The following CHEK2 variants were observed in gnomAD, a reference collection of about 807,000 sequenced individuals.
The protein encoded by CHEK2 is serine/threonine-protein kinase Chk2.
A neutral mutation model predicts 69.1 loss-of-function variants in CHEK2; 71 were observed. That is an observed-to-expected ratio of 1.03 (90% CI 0.85 to 1.25). The LOEUF (loss-of-function observed/expected upper bound fraction) is 1.25, where lower values mean the gene tolerates loss of function less well. Among genes scored for constraint, CHEK2 ranks in the 50% most tolerant of loss-of-function variants. CHEK2 has a pLI of 0.00. For synonymous variants in CHEK2, 189 were observed against 226.9 expected (o/e 0.83, Z 1.50); for missense variants, 664 against 649.6 (o/e 1.02, Z -0.24).
intron 1 of CHEK2, among the ~76,000 whole-genome samples, chr22:28,739,643 C>A (rs1462713134): frequency 6.6e-6 from 1 of 151,872 alleles, no homozygotes; most frequent in African/African-American, 2.4e-5. Flanking sequence ...GAGCCAAAAT[C>A]GCGCCACTGC....
chr22:28,711,870 G>A lies in CHEK2; in HGVS notation c.792+39C>T, dbSNP rs140551986. Reference sequence around the variant, plus strand: ...GATTATTTTGGGAAGTTATGAAGACGTGTTAATAAAAGGTGATCAGCCTTT... The same window carrying A: ...GATTATTTTGGGAAGTTATGAAGACATGTTAATAAAAGGTGATCAGCCTTT... On this transcript the variant is annotated intron_variant, in intron 6 of 14. Coordinates refer to ENST00000404276, the MANE Select transcript of CHEK2 (RefSeq NM_007194.4). 4.1e-4 allele frequency: 528 copies of A among 1,297,092 alleles called. 1 individual carries two copies. The highest frequency in any genetic ancestry group is 2.1e-4 in the East Asian group (9 of 43,430). 80.3% of individuals were successfully genotyped at this position (1,297,092 alleles called of 1,614,324 possible). A position where few individuals can be genotyped will look rare whatever the true frequency, so the allele number is the denominator to read the frequency against.
At chr22:28,727,113 C>T (rs2054037589) in intron 2 of CHEK2, among the ~76,000 whole-genome samples, 2 of 152,138 alleles carry the variant, frequency 1.3e-5, no homozygotes, top group Non-Finnish European at 2.9e-5. Context: ...GCGATCTCGG[C>T]TCACTGCAAC....
At chr22:28,700,383 T>C (rs1299549550) in intron 8 of CHEK2, among the ~76,000 whole-genome samples, 2 of 151,818 alleles carry the variant, frequency 1.3e-5, no homozygotes, top group Admixed American at 6.6e-5. Context: ...GGCTAATTGT[T>C]GTATTTTTTT....
At chr22:28,695,911 C>T (rs201688553) in intron 10 of CHEK2, 38 bp from the exon 11 acceptor site, 1 of 1,548,268 alleles carries the variant, frequency 6.5e-7, no homozygotes, top group Non-Finnish European at 8.9e-7. Context: ...GTTGAACTTG[C>T]CATAAAATAA....
intron 4 of CHEK2, among the ~76,000 whole-genome samples, chr22:28,723,602 AAAAAAAAAG>A (rs2053881115): frequency 2.4e-5 from 2 of 81,690 alleles, no homozygotes; most frequent in Middle Eastern, 5.7e-3. Context: ...CGTCACAAGG[AAAAAAAAAG>A]AAAAAAAAAA....
rs730881686 is a variant in CHEK2, at chr22:28,711,914, C to G, written c.787G>C (p.Glu263Gln). 3.1e-6 allele frequency: 5 copies of G among 1,608,174 alleles called. No homozygotes were observed. Among genetic ancestry groups the G allele is most frequent in the South Asian group, 1.1e-5 (1 of 90,964 alleles). Residue 263 changes from glutamate to glutamine, a missense_variant, in exon 6 of 15, where the codon GAG becomes CAG. By Grantham distance (29) the Glu-to-Gln change is conservative. Coordinates refer to ENST00000404276, the MANE Select transcript of CHEK2 (RefSeq NM_007194.4). ...KRKFAIGSAR[E>Q]ADPALNVETE... The stretch of plus-strand genomic sequence containing the variant: ...AGCCTTTTATTGGTACTTACTGCCT[C>G]TCTTGCTGAACCAATAGCAAACTTC...
intron 2 of CHEK2, among the ~76,000 whole-genome samples, chr22:28,731,000 T>G (rs1569166110): frequency 2.0e-5 from 3 of 151,910 alleles, no homozygotes; most frequent in Admixed American, 1.3e-4. Flanking sequence ...GCTCAGGAGT[T>G]TGAGACCAGA....
chr22:28,722,444 G>A (rs1476342243), intron 4 of CHEK2, among the ~76,000 whole-genome samples: 1 of 151,182 alleles, frequency 6.6e-6, no homozygotes, highest in African/African-American at 2.4e-5. Flanking sequence ...GGAGGCTGAG[G>A]CAGGAGAATG....
In CHEK2 at chr22:28,695,112, C is replaced by G; in HGVS notation, c.1375+15G>C. ...TTTAGCATACCACAAATTCTTAACC[C>G]TTTCATATTCATACCTTTCTCTGAG... On this transcript the variant is annotated intron_variant, in intron 12 of 14. Coordinates refer to ENST00000404276, the MANE Select transcript of CHEK2 (RefSeq NM_007194.4). 6.6e-7 allele frequency: 1 copy of G among 1,521,680 alleles called. No homozygotes were observed. The highest frequency in any genetic ancestry group is 9.1e-7 in the Non-Finnish European group (1 of 1,096,444). The allele number at this position is 1,521,680 out of a possible 1,614,324, so 94.3% of individuals were successfully genotyped here.
intron 2 of CHEK2, 56 bp downstream of exon 2, chr22:28,734,347 C>A (rs2054306968): frequency 6.4e-7 from 1 of 1,566,396 alleles, no homozygotes; most frequent in Non-Finnish European, 8.8e-7. Flanking sequence ...GGTAATACAA[C>A]TTTCTGTAAG....
At chr22:28,741,080 G>A (rs1423269033) in intron 1 of CHEK2, among the ~76,000 whole-genome samples, 1 of 145,468 alleles carries the variant, frequency 6.9e-6, no homozygotes, top group African/African-American at 2.6e-5. Context: ...AACCCAGGAG[G>A]CAGAAGTTGC....
At chr22:28,711,443 T>C (rs1425356918) in intron 6 of CHEK2, among the ~76,000 whole-genome samples, 1 of 152,172 alleles carries the variant, frequency 6.6e-6, no homozygotes, top group East Asian at 1.9e-4. Flanking sequence ...AAGTCTATGC[T>C]ATAATGCATT....
chr22:28,694,825 A>G (rs1175378271), intron 12 of CHEK2, among the ~76,000 whole-genome samples: 1 of 152,200 alleles, frequency 6.6e-6, no homozygotes, highest in African/African-American at 2.4e-5. Context: ...TGTGTACATG[A>G]TACTTAACCC....
intron 2 of CHEK2, chr22:28,730,354 A>G: frequency 2.0e-6 from 1 of 488,226 alleles, no homozygotes; most frequent in South Asian, 3.4e-5. Flanking sequence ...AGAAAGGGGA[A>G]AGGGGAAAGG....
At chr22:28,739,660 G>T (rs1299476202) in intron 1 of CHEK2, among the ~76,000 whole-genome samples, 1 of 152,050 alleles carries the variant, frequency 6.6e-6, no homozygotes, top group African/African-American at 2.4e-5. Context: ...CTGCATTCCA[G>T]CCTGGGCGAC....
At chr22:28,731,397 G>A (rs1221169902) in intron 2 of CHEK2, among the ~76,000 whole-genome samples, 2 of 152,166 alleles carry the variant, frequency 1.3e-5, no homozygotes, top group Non-Finnish European at 2.9e-5. Context: ...TCAGGAGTTT[G>A]AAACCAGCCT....
intron 13 of CHEK2, among the ~76,000 whole-genome samples, chr22:28,689,712 C>CTT (rs1400302511): frequency 8.0e-4 from 122 of 152,260 alleles, no homozygotes; most frequent in African/African-American, 2.8e-3. Context: ...GTACTTAAGC[C>CTT]CACAGTATCC....
At chr22:28,723,466 CG>C (rs990173629) in intron 4 of CHEK2, among the ~76,000 whole-genome samples, 3 of 149,142 alleles carry the variant, frequency 2.0e-5, no homozygotes, top group African/African-American at 7.4e-5. Flanking sequence ...GGCGTGGTGG[CG>C]GGCGCCTGTA....
At chr22:28,710,205 T>A (rs2053344532) in intron 6 of CHEK2, 146 bp from the exon 7 acceptor site, 5 of 599,402 alleles carry the variant, frequency 8.3e-6, no homozygotes, top group Non-Finnish European at 9.2e-6. Flanking sequence ...CCCAGGTCAA[T>A]GACTTAAATA....
Sources: gnomAD v4.1 joint callset for allele counts (sites outside exome capture counted in the v4.1 genomes callset) on GRCh38, gnomAD v4.1.1 for gene constraint, MANE v1.5 for transcripts, NCBI Gene and HGNC (gene_info 2026-07-23, HGNC 2026-07-21) for gene names.